Variants in MAP4 observed in about 807,000 individuals in gnomAD.
MAP4 encodes the protein microtubule associated protein 4.
MAP4 carries 76 observed loss-of-function variants against 170.2 expected under a neutral mutation model. The observed-to-expected ratio is 0.45, with a 90% CI of 0.37 to 0.54. MAP4 has a LOEUF of 0.54. Ranked by LOEUF, MAP4 falls within the 20% of genes least tolerant of loss-of-function variation. The probability of loss-of-function intolerance (pLI) is 0.00; values close to 1 mark genes in which losing one functional copy is unlikely to be tolerated. For missense variants in MAP4, 2,506 were observed against 2,748.0 expected, an observed-to-expected ratio of 0.91 and a Z score of 1.97; for synonymous variants, 909 against 994.5, an observed-to-expected ratio of 0.91 and a Z score of 1.62.
chr3:47,951,814 G>A (rs1432404241), intron 3 of MAP4, among the ~76,000 whole-genome samples: 3 of 143,198 alleles, frequency 2.1e-5, no homozygotes, highest in East Asian at 2.2e-4. Context: ...GCCGCCCATC[G>A]TCTGGGATGT....
intron 1 of MAP4, among the ~76,000 whole-genome samples, chr3:48,055,223 CGTCTCCGTCTCCGTCTCCCCATG>C (rs1559867410): frequency 1.3e-5 from 2 of 150,984 alleles, no homozygotes; most frequent in Admixed American, 6.6e-5. Flanking sequence ...TCTCCGTCTC[CGTCTCCGTCTCCGTCTCCCCATG>C]GTCTCCCTCT....
intron 10 of MAP4, among the ~76,000 whole-genome samples, chr3:47,895,168 A>G (rs1424999917): frequency 1.3e-5 from 2 of 152,196 alleles, no homozygotes; most frequent in Non-Finnish European, 2.9e-5. Flanking sequence ...AACGACACAC[A>G]CATATACACC....
At chr3:48,020,235 G>A (rs553298504), upstream of MAP4, among the ~76,000 whole-genome samples, 3 of 152,132 alleles carry the variant, frequency 2.0e-5, no homozygotes, top group East Asian at 1.9e-4. Flanking sequence ...TCCCCTTAAC[G>A]CTTGAGTTCC....
chr3:47,951,691 G>A (rs1334788831), intron 3 of MAP4, among the ~76,000 whole-genome samples: 3 of 152,116 alleles, frequency 2.0e-5, no homozygotes, highest in South Asian at 2.1e-4. Flanking sequence ...GCGTGATCTC[G>A]GCTCGCTACA....
intron 10 of MAP4, among the ~76,000 whole-genome samples, chr3:47,899,070 A>G (rs1410874526): frequency 6.6e-6 from 1 of 152,240 alleles, no homozygotes; most frequent in Non-Finnish European, 1.5e-5. Flanking sequence ...TCCACAGGAA[A>G]TAGCCACAGC....
intron 1 of MAP4, among the ~76,000 whole-genome samples, chr3:48,003,595 C>A (rs1579126731): frequency 6.6e-6 from 1 of 152,022 alleles, no homozygotes; most frequent in African/African-American, 2.4e-5. Flanking sequence ...TGGTTAAGAC[C>A]AGGAAGAGTC....
intron 1 of MAP4, among the ~76,000 whole-genome samples, chr3:48,035,560 G>GGA (rs1437661499): frequency 1.3e-5 from 2 of 152,238 alleles, no homozygotes; most frequent in East Asian, 3.9e-4. Context: ...CTGGAACCCA[G>GGA]GAGGTTGAGG....
chr3:47,866,955 A>T (rs1261532698), intron 17 of MAP4, among the ~76,000 whole-genome samples: 2 of 152,172 alleles, frequency 1.3e-5, no homozygotes. Flanking sequence ...GCTGCTGACC[A>T]CTGTGCTCAG....
chr3:47,922,848 G>C (rs2100043717), intron 4 of MAP4, among the ~76,000 whole-genome samples: 1 of 152,142 alleles, frequency 6.6e-6, no homozygotes, highest in Non-Finnish European at 1.5e-5. Flanking sequence ...TGGAGATTGA[G>C]ACCATCCTGG....
intron 1 of MAP4, among the ~76,000 whole-genome samples, chr3:48,052,343 C>G (rs1276557584): frequency 6.6e-6 from 1 of 152,196 alleles, no homozygotes; most frequent in African/African-American, 2.4e-5. Flanking sequence ...GCCTCAGCCT[C>G]CCGAGTAGCT....
At chr3:47,907,403 G>A (rs908124010) in intron 9 of MAP4, among the ~76,000 whole-genome samples, 2 of 152,172 alleles carry the variant, frequency 1.3e-5, no homozygotes, top group East Asian at 1.9e-4. Context: ...TAACCTATTC[G>A]ACAATTAGTT....
intron 1 of MAP4, among the ~76,000 whole-genome samples, chr3:48,000,249 A>T (rs1426827191): frequency 6.9e-6 from 1 of 143,972 alleles, no homozygotes; most frequent in Non-Finnish European, 1.5e-5. Flanking sequence ...AAAAAAAAAG[A>T]GCCAAAGGCC....
At chr3:47,955,435 T>TACACACACACACACACACAC in intron 3 of MAP4, among the ~76,000 whole-genome samples, 1 of 135,488 alleles carries the variant, frequency 7.4e-6, no homozygotes, top group East Asian at 2.2e-4. Context: ...AATAAGCACG[T>TACACACACACACACACACAC]ACACACACAC....
intron 11 of MAP4, among the ~76,000 whole-genome samples, chr3:47,876,747 T>A (rs892021211): frequency 1.3e-5 from 2 of 152,218 alleles, no homozygotes; most frequent in African/African-American, 4.8e-5. Flanking sequence ...ACCTTCAAAA[T>A]CTGCATTCTC....
intron 3 of MAP4, chr3:47,960,758 CT>C: frequency 5.8e-6 from 1 of 171,112 alleles, no homozygotes. Flanking sequence ...ATTCTCATGA[CT>C]TTTCAACATG....
chr3:47,891,454 C>T (rs2100023887), intron 10 of MAP4: 1 of 1,529,760 alleles, frequency 6.5e-7, no homozygotes, highest in Non-Finnish European at 8.7e-7. Flanking sequence ...CTCCCAGTTT[C>T]CCAGGTGTAG....
chr3:47,928,789 A>G (rs1423561378), intron 3 of MAP4, among the ~76,000 whole-genome samples: 2 of 152,074 alleles, frequency 1.3e-5, no homozygotes, highest in African/African-American at 4.8e-5. Flanking sequence ...GAACAAGGAT[A>G]AAACTGTCAA....
chr3:47,888,020 T>C (rs915787777), intron 10 of MAP4, among the ~76,000 whole-genome samples: 9 of 152,054 alleles, frequency 5.9e-5, no homozygotes, highest in African/African-American at 1.9e-4. Flanking sequence ...ATCAGCACCC[T>C]GTGTTTAGCT....
chr3:48,075,699 C>T (rs894207828), intron 1 of MAP4, among the ~76,000 whole-genome samples: 5 of 151,766 alleles, frequency 3.3e-5, no homozygotes, highest in South Asian at 2.1e-4. Context: ...TTGGGCCGGG[C>T]GCAGTGGTTC....
Sources: gnomAD v4.1 joint callset for allele counts (sites outside exome capture counted in the v4.1 genomes callset) on GRCh38, gnomAD v4.1.1 for gene constraint, MANE v1.5 for transcripts, NCBI Gene and HGNC (gene_info 2026-07-23, HGNC 2026-07-21) for gene names.